Variants in WSB2 observed in about 807,000 individuals in gnomAD.
WSB2 encodes WD repeat and SOCS box containing 2.
WSB2 carries 12 observed loss-of-function variants against 48.8 expected under a neutral mutation model. The observed-to-expected ratio is 0.25, with a 90% CI of 0.16 to 0.40. The LOEUF (loss-of-function observed/expected upper bound fraction) is 0.40. Ranked by LOEUF, WSB2 falls within the 10% of genes least tolerant of loss-of-function variation. The pLI, the probability that WSB2 is intolerant of heterozygous loss-of-function variation, is 1.00. For missense variants in WSB2, 317 were observed against 506.2 expected (o/e 0.63, Z 3.59); for synonymous variants, 191 against 203.1 (o/e 0.94, Z 0.51).
chr12:118,061,383 A>G (rs1275988097), upstream of WSB2, among the ~76,000 whole-genome samples: 1 of 80,926 alleles, frequency 1.2e-5, no homozygotes, highest in Non-Finnish European at 2.3e-5. Flanking sequence ...ACCAGATAAA[A>G]ATGGGGCAGG....
Position 118,047,517 on chromosome 12 carries a change from C to T in WSB2, c.183-4140G>A, listed in dbSNP as rs1047046049. Among the ~76,000 whole-genome samples the T allele has an allele frequency of 3.9e-5, 6 of 152,254 alleles. 1 individual carries two copies. The highest frequency in any genetic ancestry group is 1.4e-4 in the African/African-American group (6 of 41,558). Reference sequence around the variant, plus strand: ...ATGATTTTTAAAAAATGTATAACTACCCTAACTAGAATATAAATGCCCCAA... The same window carrying T: ...ATGATTTTTAAAAAATGTATAACTATCCTAACTAGAATATAAATGCCCCAA... On this transcript the variant is annotated intron_variant, in intron 2 of 8. Transcript: ENST00000315436.
At chr12:118,038,664 C>T (rs1398022087) in intron 4 of WSB2, among the ~76,000 whole-genome samples, 1 of 152,096 alleles carries the variant, frequency 6.6e-6, no homozygotes, top group African/African-American at 2.4e-5. Flanking sequence ...TGAAGGGGTA[C>T]ATTGATCACT....
intron 1 of WSB2, among the ~76,000 whole-genome samples, chr12:118,057,599 A>C (rs2031980378): frequency 6.6e-6 from 1 of 152,206 alleles, no homozygotes; most frequent in Admixed American, 6.5e-5. Flanking sequence ...CTGATAAATA[A>C]AAATTGTATA....
chr12:118,055,607 C>CTTTTTTTTTTTTT lies in WSB2; in HGVS notation c.14-3142_14-3130dup, dbSNP rs748354611. Among the ~76,000 whole-genome samples the CTTTTTTTTTTTTT allele has an allele frequency of 4.9e-5, 4 of 81,680 alleles. 1 individual carries two copies. The highest frequency in any genetic ancestry group is 4.2e-5 in the Non-Finnish European group (2 of 47,466). 53.6% of individuals were successfully genotyped at this position (81,680 alleles called of 152,430 possible). A position where few individuals can be genotyped will look rare whatever the true frequency, so the allele number is the denominator to read the frequency against. On this transcript the variant is annotated intron_variant, in intron 1 of 8. Transcript: ENST00000315436. ...ATTGGTTCACTTCCTCTACATTATCCTTTTTTTTTTTTTTTTTTTTTTTTT... is the reference window on the plus strand; with the variant it reads ...ATTGGTTCACTTCCTCTACATTATCCTTTTTTTTTTTTTTTTTTTTTTTTTTTTTTTTTTTTTT...
intron 4 of WSB2, among the ~76,000 whole-genome samples, chr12:118,041,967 G>A (rs2031646297): frequency 2.6e-5 from 4 of 152,012 alleles, no homozygotes; most frequent in Admixed American, 2.6e-4. Context: ...TGTTGGCCAG[G>A]CTGGTCTTGA....
intron 4 of WSB2, among the ~76,000 whole-genome samples, chr12:118,041,539 G>T (rs1025388565): frequency 2.0e-5 from 3 of 152,020 alleles, no homozygotes; most frequent in African/African-American, 4.8e-5. Context: ...TGTGGAGCTG[G>T]ACAGTCATAG....
At chr12:118,051,067 A>G (rs542803440) in intron 2 of WSB2, among the ~76,000 whole-genome samples, 106 of 152,184 alleles carry the variant, frequency 7.0e-4, no homozygotes, top group African/African-American at 1.9e-3. Flanking sequence ...AAGAAAAAAA[A>G]AAAGAAAGAA....
chr12:118,056,729 C>T (rs1163451288), intron 1 of WSB2, among the ~76,000 whole-genome samples: 2 of 151,982 alleles, frequency 1.3e-5, no homozygotes, highest in East Asian at 1.9e-4. Flanking sequence ...GGTGAAACCC[C>T]GTCTCTACTT....
intron 1 of WSB2, among the ~76,000 whole-genome samples, chr12:118,058,619 T>C (rs1356371893): frequency 1.3e-5 from 2 of 152,172 alleles, no homozygotes; most frequent in African/African-American, 4.8e-5. Flanking sequence ...CCCAAACTGC[T>C]GGGCCACTGC....
At chr12:118,034,582 T>TCTCTCTCTC (rs879299075) in intron 8 of WSB2, 26 of 542,816 alleles carry the variant, frequency 4.8e-5, no homozygotes, top group Admixed American at 4.1e-4. Flanking sequence ...GCGCTCTCTC[T>TCTCTCTCTC]GTCTCTCTCT....
chr12:118,038,366 C>T lies in WSB2; in HGVS notation c.582G>A (p.Ser194=), dbSNP rs373461745. The T allele has an allele frequency of 8.1e-6, 13 of 1,613,914 alleles. No individual in the cohort carries two copies. In the Admixed American group the frequency reaches 8.3e-5, roughly 10 times the overall value. The change falls in exon 5 of 9, where the codon TCG becomes TCA. Residue 194 remains serine (S), a synonymous_variant. Coordinates refer to ENST00000315436, the MANE Select transcript of WSB2 (RefSeq NM_018639.5). ...NKHGKQIQVL[S]GHLQWVYCCS... ...AGCAGTAAACCCACTGCAGGTGGCCCGATAACACTTGAATCTGTTTACCTG... is the reference window on the plus strand; with the variant it reads ...AGCAGTAAACCCACTGCAGGTGGCCTGATAACACTTGAATCTGTTTACCTG...
At chr12:118,035,114 T>C (rs754750224) in intron 7 of WSB2, 21 bp from the exon 8 acceptor site, 2 of 1,613,582 alleles carry the variant, frequency 1.2e-6, no homozygotes, top group Non-Finnish European at 1.7e-6. Context: ...AGAGAGAACA[T>C]CTGGATATTA....
Position 118,058,427 on chromosome 12 carries a change from A to C in WSB2, c.13+2609T>G, listed in dbSNP as rs568721341. On this transcript the variant is annotated intron_variant, in intron 1 of 8. Coordinates refer to ENST00000315436, the MANE Select transcript of WSB2 (RefSeq NM_018639.5). Reference sequence around the variant, plus strand: ...CAGTAGCACCATCACGGCTCACTGCAACCTCGACCTCCCCAGGCTCAGATG... The same window carrying C: ...CAGTAGCACCATCACGGCTCACTGCCACCTCGACCTCCCCAGGCTCAGATG... Among the ~76,000 whole-genome samples the C allele has an allele frequency of 7.2e-5, 11 of 152,084 alleles. No homozygotes were observed. In the South Asian group the frequency reaches 1.2e-3, roughly 17 times the overall value.
rs1467631325 is a variant in WSB2, at chr12:118,052,484, G to A, written c.14-6C>T. On this transcript the variant is annotated splice_polypyrimidine_tract_variant and splice_region_variant and intron_variant, in intron 1 of 8. Coordinates refer to ENST00000315436, the MANE Select transcript of WSB2 (RefSeq NM_018639.5). ...GGCCAGCAGCAGCGGTTCCTCTGGG[G>A]CAGGAGACAACATGCTTCAAACACA... is the stretch of plus-strand genomic sequence containing the variant. The A allele has an allele frequency of 1.9e-6, 3 of 1,613,670 alleles. No homozygotes were observed. The African/African-American group carries it at 4.0e-5, about 22-fold the overall frequency.
chr12:118,052,720 C>T, intron 1 of WSB2: 1 of 568,426 alleles, frequency 1.8e-6, no homozygotes, highest in Non-Finnish European at 3.1e-6. Context: ...GCCCATGAAC[C>T]CAGTGAATGG....
intron 5 of WSB2, 191 bp downstream of exon 5, chr12:118,038,097 A>T: frequency 2.2e-6 from 1 of 456,086 alleles, no homozygotes; most frequent in Non-Finnish European, 3.8e-6. Context: ...CTGTTTCCAA[A>T]TCCCTCCTGT....
chr12:118,046,734 T>C (rs2031754636), intron 2 of WSB2, among the ~76,000 whole-genome samples: 1 of 152,200 alleles, frequency 6.6e-6, no homozygotes, highest in Non-Finnish European at 1.5e-5. Context: ...AAATTTGTTT[T>C]ATTTGTTATA....
intron 2 of WSB2, among the ~76,000 whole-genome samples, chr12:118,050,725 C>T (rs1298946216): frequency 1.3e-5 from 2 of 151,904 alleles, no homozygotes; most frequent in Admixed American, 1.3e-4. Flanking sequence ...GACATTTATC[C>T]AAAGAACGTA....
chr12:118,038,393 C>T lies in WSB2; in HGVS notation c.560-5G>A. On this transcript the variant is annotated splice_polypyrimidine_tract_variant and splice_region_variant and intron_variant, in intron 4 of 8. Coordinates refer to ENST00000315436, the MANE Select transcript of WSB2 (RefSeq NM_018639.5). Reference sequence around the variant, plus strand: ...ATAACACTTGAATCTGTTTACCTGGCAGGAAAAAGAAGCAAACAATGAGCC... The same window carrying T: ...ATAACACTTGAATCTGTTTACCTGGTAGGAAAAAGAAGCAAACAATGAGCC... The T allele has an allele frequency of 6.2e-7, 1 of 1,613,044 alleles. No homozygotes were observed. The highest frequency in any genetic ancestry group is 1.1e-5 in the South Asian group (1 of 90,952).
Sources: gnomAD v4.1 joint callset for allele counts (sites outside exome capture counted in the v4.1 genomes callset) on GRCh38, gnomAD v4.1.1 for gene constraint, MANE v1.5 for transcripts, NCBI Gene and HGNC (gene_info 2026-07-23, HGNC 2026-07-21) for gene names.